FAM171A1: variants seen among roughly 807,000 people sequenced by gnomAD.
The protein encoded by FAM171A1 is family with sequence similarity 171 member A1.
A neutral mutation model predicts 74.9 loss-of-function variants in FAM171A1; 23 were observed. The observed-to-expected ratio is 0.31, with a 90% confidence interval of 0.22 to 0.44. FAM171A1 has a LOEUF of 0.44. Ranked by LOEUF, FAM171A1 falls within the 20% of genes least tolerant of loss-of-function variation. The pLI is 1.00. For synonymous variants in FAM171A1, 527 were observed against 505.7 expected (o/e 1.04, Z -0.57); for missense variants, 1,162 against 1,159.2 (o/e 1.00, Z -0.03).
chr10:15,351,768 T>C (rs1224562914), intron 1 of FAM171A1, among the ~76,000 whole-genome samples: 2 of 152,028 alleles, frequency 1.3e-5, no homozygotes, highest in African/African-American at 4.8e-5. Flanking sequence ...AAAAATAAAT[T>C]TAAGGCCAGG....
Position 15,213,704 on chromosome 10 carries a change from G to T in FAM171A1, c.1884C>A (p.His628Gln). ...LSNPHAGIFP[H>Q]PSSQIQPQPL... ...GCTGGGGCTGGATCTGTGAGGACGG[G>T]TGTGGGAAGATCCCGGCATGGGGAT... The change falls in exon 8 of 8, where the codon CAC (histidine) becomes CAA (glutamine). Residue 628 changes from histidine to glutamine, a missense_variant. Physicochemically the swap from His to Gln is conservative, Grantham distance 24 (BLOSUM62 0). Transcript: ENST00000378116. This position sits in a 1 kb window ranked among gnomAD's most constrained non-coding sequence, Gnocchi z 6.8. 2.5e-6 allele frequency: 4 copies of T among 1,612,570 alleles called. No individual in the cohort carries two copies. Among genetic ancestry groups the T allele is most frequent in the Non-Finnish European group, 3.4e-6 (4 of 1,178,970 alleles).
chr10:15,286,484 G>A (rs1241411248), intron 1 of FAM171A1, among the ~76,000 whole-genome samples: 2 of 152,144 alleles, frequency 1.3e-5, no homozygotes, highest in South Asian at 2.1e-4. Flanking sequence ...GTTTCACCAT[G>A]TTGGCCAGGT....
At chr10:15,267,395 T>G (rs7083250) in intron 3 of FAM171A1, among the ~76,000 whole-genome samples, 150,590 of 152,112 alleles carry the variant, frequency 0.99, 74,558 homozygotes, top group Middle Eastern at 1. Flanking sequence ...ACGAGGTCAG[T>G]AGATTGAGGC....
Position 15,214,072 on chromosome 10 carries a change from G to A in FAM171A1, c.1516C>T (p.Pro506Ser), listed in dbSNP as rs866877027. Residue 506 changes from proline (P) to serine (S), a missense_variant, in exon 8 of 8, where the codon CCA (proline) becomes TCA (serine). Pro to Ser is a moderately conservative substitution (Grantham distance 74). Transcript: ENST00000378116. The stretch of plus-strand genomic sequence containing the variant: ...GTGAGTTTGCTTCCCGTGGAGGCTG[G>A]ACCTTCTCTGTCCTGCTTTTCAAAT... ...PLFEKQDREGPASTGSKLTIQ... is the reference protein window; with the variant it reads ...PLFEKQDREGSASTGSKLTIQ... The A allele has an allele frequency of 1.2e-6, 2 of 1,614,194 alleles. No homozygotes were observed. The highest frequency in any genetic ancestry group is 1.7e-6 in the Non-Finnish European group (2 of 1,180,044).
rs1834723024 is a variant in FAM171A1, at chr10:15,265,227, A to G, written c.419-10348T>C. Among the ~76,000 whole-genome samples, 3 of 151,974 alleles carry G rather than the reference A, an allele frequency of 2.0e-5. No homozygotes were observed. The South Asian group carries it at 6.2e-4, about 32-fold the overall frequency. On this transcript the variant is annotated intron_variant, in intron 3 of 7. Coordinates refer to ENST00000378116, the MANE Select transcript of FAM171A1 (RefSeq NM_001010924.2). ...CTTCTTGCTCCTCAGAGAGAGAAAG[A>G]GCTGCTCAAGTACTCGTGTGTGTGC...
At chr10:15,313,382 T>G (rs749660002) in intron 1 of FAM171A1, among the ~76,000 whole-genome samples, 1 of 152,228 alleles carries the variant, frequency 6.6e-6, no homozygotes, top group South Asian at 2.1e-4. Flanking sequence ...CTTTCTTTCC[T>G]TGAGCTAAAA....
intron 5 of FAM171A1, among the ~76,000 whole-genome samples, chr10:15,243,270 T>C (rs1022900939): frequency 6.6e-6 from 1 of 152,158 alleles, no homozygotes. Context: ...TCTTGCATCC[T>C]GCTCATAAGG....
intron 1 of FAM171A1, among the ~76,000 whole-genome samples, chr10:15,366,202 C>T (rs1836059520): frequency 6.6e-6 from 1 of 152,136 alleles, no homozygotes; most frequent in Non-Finnish European, 1.5e-5. Flanking sequence ...TCACTACAAC[C>T]TCTGCCTCCC....
chr10:15,297,829 G>A (rs1219965118), intron 1 of FAM171A1, among the ~76,000 whole-genome samples: 1 of 152,068 alleles, frequency 6.6e-6, no homozygotes, highest in Non-Finnish European at 1.5e-5. Flanking sequence ...TACTGGACCC[G>A]GTACAAAATG....
chr10:15,352,006 G>A (rs1835885611), intron 1 of FAM171A1, among the ~76,000 whole-genome samples: 1 of 151,610 alleles, frequency 6.6e-6, no homozygotes, highest in African/African-American at 2.4e-5. Context: ...TGGGCAACAT[G>A]GTGAAACCCT....
At chr10:15,222,938 C>T (rs980257022) in intron 5 of FAM171A1, among the ~76,000 whole-genome samples, 3 of 152,230 alleles carry the variant, frequency 2.0e-5, no homozygotes, top group African/African-American at 7.2e-5. Context: ...GGTATGAGGG[C>T]AGGGATGCCC....
intron 5 of FAM171A1, among the ~76,000 whole-genome samples, chr10:15,237,975 A>G (rs1249268060): frequency 6.6e-6 from 1 of 152,222 alleles, no homozygotes; most frequent in Non-Finnish European, 1.5e-5. Flanking sequence ...TACCTTAGGT[A>G]AGTTGAATTC....
chr10:15,324,686 A>C (rs1835528977), intron 1 of FAM171A1, among the ~76,000 whole-genome samples: 3 of 152,102 alleles, frequency 2.0e-5, no homozygotes, highest in Admixed American at 1.3e-4. Flanking sequence ...TCTTAAAATC[A>C]TCTTAACCAC....
rs561732211 is a variant in FAM171A1 at position 15,343,664 on chromosome 10, G to A, written c.97+27292C>T. On this transcript the variant is annotated intron_variant, in intron 1 of 7. Coordinates refer to ENST00000378116, the MANE Select transcript of FAM171A1 (RefSeq NM_001010924.2). ...GAAGGAGTGAGGATATATGTCATCC[G>A]TGAGGACATCCAGACAACAGCCACT... 3.8e-4 allele frequency among the ~76,000 whole-genome samples: 58 copies of A among 152,232 alleles called. 2 individuals carry two copies. In the South Asian group the frequency reaches 0.011, roughly 30 times the overall value.
At chr10:15,318,783 TGGA>T (rs1835452413) in intron 1 of FAM171A1, among the ~76,000 whole-genome samples, 1 of 152,202 alleles carries the variant, frequency 6.6e-6, no homozygotes, top group Non-Finnish European at 1.5e-5. Flanking sequence ...GCCTGGATAC[TGGA>T]GATGGGGAGA....
chr10:15,352,757 T>C (rs943304695), intron 1 of FAM171A1, among the ~76,000 whole-genome samples: 1 of 152,196 alleles, frequency 6.6e-6, no homozygotes, highest in African/African-American at 2.4e-5. Flanking sequence ...GAATACAAAG[T>C]GTGTGTTAAA....
At chr10:15,290,499 C>G (rs1418673929) in intron 1 of FAM171A1, among the ~76,000 whole-genome samples, 1 of 152,222 alleles carries the variant, frequency 6.6e-6, no homozygotes, top group Non-Finnish European at 1.5e-5. Flanking sequence ...CACATGGTCT[C>G]TGTTTCTTGT....
intron 1 of FAM171A1, among the ~76,000 whole-genome samples, chr10:15,366,266 C>T (rs1250518737): frequency 6.6e-6 from 1 of 151,968 alleles, no homozygotes; most frequent in Non-Finnish European, 1.5e-5. Context: ...ATTACAGGCG[C>T]CCGCCACCAT....
chr10:15,372,442 C>T (rs148816782), upstream of FAM171A1, among the ~76,000 whole-genome samples: 390 of 152,196 alleles, frequency 2.6e-3, 4 homozygotes, highest in African/African-American at 9.2e-3. Flanking sequence ...TGCCTATAAT[C>T]CCAACACTTT....
Sources: allele counts gnomAD v4.1 joint callset (sites outside exome capture counted in the v4.1 genomes callset), GRCh38; gene constraint gnomAD v4.1.1; non-coding constraint Gnocchi (gnomAD v3.1); transcripts MANE v1.5; gene names NCBI Gene and HGNC (gene_info 2026-07-23, HGNC 2026-07-21).